Variants in CYP4Z1 observed in about 807,000 individuals in gnomAD.
CYP4Z1 encodes the protein cytochrome P450 family 4 subfamily Z member 1.
A neutral mutation model predicts 54.2 loss-of-function variants in CYP4Z1; 41 were observed. The ratio of observed to expected loss-of-function variants is 0.76; its 90% CI spans 0.59 to 0.98. The LOEUF is 0.98. Ranked by LOEUF, CYP4Z1 falls within the 50% of genes least tolerant of loss-of-function variation. The pLI is 0.00. For missense variants in CYP4Z1, 513 were observed against 599.0 expected (o/e 0.86, Z 1.50); for synonymous variants, 163 against 206.2 (o/e 0.79, Z 1.79).
upstream of CYP4Z1, among the ~76,000 whole-genome samples, chr1:47,066,962 A>T (rs1365985820): frequency 6.6e-6 from 1 of 152,096 alleles, no homozygotes; most frequent in East Asian, 1.9e-4. Flanking sequence ...ATTAAATGTA[A>T]CAAGTGTTAT....
At chr1:47,063,384 A>G (rs1644433996), upstream of CYP4Z1, among the ~76,000 whole-genome samples, 1 of 152,154 alleles carries the variant, frequency 6.6e-6, no homozygotes, top group South Asian at 2.1e-4. Context: ...GATCCAAACT[A>G]AGACAAAATC....
At chr1:47,092,652 T>C in intron 6 of CYP4Z1, among the ~76,000 whole-genome samples, 1 of 152,128 alleles carries the variant, frequency 6.6e-6, no homozygotes. Flanking sequence ...GTGTTTTTGC[T>C]ATTTCTTCAC....
chr1:47,077,495 G>A (rs1604621), intron 2 of CYP4Z1, among the ~76,000 whole-genome samples: 1 of 151,930 alleles, frequency 6.6e-6, no homozygotes, highest in Non-Finnish European at 1.5e-5. Flanking sequence ...ATATTAATGG[G>A]TCCCATTTTT....
intron 2 of CYP4Z1, among the ~76,000 whole-genome samples, chr1:47,080,139 G>T (rs1325237882): frequency 8.0e-6 from 1 of 125,556 alleles, no homozygotes; most frequent in Admixed American, 8.0e-5. Flanking sequence ...TAAAACCAAG[G>T]TTATGTCCCT....
intron 8 of CYP4Z1, among the ~76,000 whole-genome samples, chr1:47,100,236 TGAA>T (rs1644711880): frequency 6.6e-6 from 1 of 152,228 alleles, no homozygotes; most frequent in African/African-American, 2.4e-5. Context: ...GTATAAATCA[TGAA>T]TCCTATATCC....
chr1:47,092,436 C>G (rs1644645348), intron 6 of CYP4Z1, among the ~76,000 whole-genome samples: 1 of 151,704 alleles, frequency 6.6e-6, no homozygotes, highest in South Asian at 2.1e-4. Context: ...CAGCCTCTCT[C>G]AGCCTTTCTG....
the CYP4Z1 span, among the ~76,000 whole-genome samples, chr1:47,056,555 A>C: frequency 6.6e-6 from 1 of 152,106 alleles, no homozygotes; most frequent in East Asian, 1.9e-4. Context: ...GTGGGAGTCT[A>C]AGTCTCTTCG....
chr1:47,103,464 C>T (rs1433304236), intron 8 of CYP4Z1, among the ~76,000 whole-genome samples: 1 of 152,074 alleles, frequency 6.6e-6, no homozygotes, highest in East Asian at 1.9e-4. Flanking sequence ...AGGTGTGAGC[C>T]ATCTTTTTCT....
At chr1:47,064,318 G>C (rs1211846903), upstream of CYP4Z1, among the ~76,000 whole-genome samples, 4 of 151,888 alleles carry the variant, frequency 2.6e-5, no homozygotes, top group Non-Finnish European at 5.9e-5. Context: ...TCCTGACCTC[G>C]TGATCCACCC....
chr1:47,066,288 A>C (rs531214895), upstream of CYP4Z1, among the ~76,000 whole-genome samples: 46 of 152,338 alleles, frequency 3.0e-4, no homozygotes, highest in Admixed American at 5.9e-4. Flanking sequence ...CCTCAATCAA[A>C]TACTAGTGAA....
chr1:47,092,458 G>A (rs761363975), intron 6 of CYP4Z1, among the ~76,000 whole-genome samples: 24 of 151,424 alleles, frequency 1.6e-4, no homozygotes, highest in Non-Finnish European at 3.2e-4. Flanking sequence ...AAAGGCTACG[G>A]AATTCTTATC....
In CYP4Z1 at chr1:47,067,407, C is replaced by T. The variant is rs1199450628; in HGVS notation, c.-84C>T. On this transcript the variant is annotated 5_prime_UTR_variant, in exon 1 of 12. Coordinates refer to ENST00000334194, the MANE Select transcript of CYP4Z1 (RefSeq NM_178134.3). ...TGAAAGCCCAGTGTTGCCCAGGGGG[C>T]ATCTCCTTTGTGTTTATGAGAGACC... The T allele has an allele frequency of 4.1e-6, 5 of 1,206,594 alleles. No individual in the cohort carries two copies. Among genetic ancestry groups the T allele is most frequent in the Admixed American group, 3.2e-5 (1 of 31,598 alleles). The allele number at this position is 1,206,594 out of a possible 1,614,324, so 74.7% of individuals were successfully genotyped here. A position where few individuals can be genotyped will look rare whatever the true frequency, so the allele number is the denominator to read the frequency against.
At chr1:47,117,289 T>C (rs1029333134) in intron 11 of CYP4Z1, among the ~76,000 whole-genome samples, 1 of 152,168 alleles carries the variant, frequency 6.6e-6, no homozygotes, top group Non-Finnish European at 1.5e-5. Context: ...TACGTGGACC[T>C]TGCAGAATCA....
At chr1:47,065,791 C>A (rs999245815), upstream of CYP4Z1, among the ~76,000 whole-genome samples, 1 of 151,950 alleles carries the variant, frequency 6.6e-6, no homozygotes, top group Non-Finnish European at 1.5e-5. Context: ...GTGAGATTAA[C>A]GAAGTAAACA....
chr1:47,116,911 C>T (rs149336219), intron 11 of CYP4Z1, among the ~76,000 whole-genome samples, 179 bp downstream of exon 11: 1 of 152,232 alleles, frequency 6.6e-6, no homozygotes, highest in African/African-American at 2.4e-5. Context: ...CCCAAAGGGA[C>T]CGGTTAATGT....
At chr1:47,096,187 G>T (rs1451502444) in intron 7 of CYP4Z1, among the ~76,000 whole-genome samples, 1 of 152,174 alleles carries the variant, frequency 6.6e-6, no homozygotes, top group Non-Finnish European at 1.5e-5. Context: ...GAAGACAGAG[G>T]CAGGAGGATC....
intron 8 of CYP4Z1, 107 bp from the exon 9 acceptor site, chr1:47,106,021 A>G: frequency 2.2e-6 from 3 of 1,382,596 alleles, no homozygotes; most frequent in Non-Finnish European, 3.0e-6. Flanking sequence ...TCCTTTGGGT[A>G]AAGAACAAAA....
chr1:47,082,520 T>C, intron 4 of CYP4Z1, 59 bp downstream of exon 4: 11 of 1,573,774 alleles, frequency 7.0e-6, no homozygotes, highest in Non-Finnish European at 9.5e-6. Flanking sequence ...GCCAGCCATA[T>C]GGTGTGGGAG....
At chr1:47,100,275 C>T (rs1031152158) in intron 8 of CYP4Z1, among the ~76,000 whole-genome samples, 1 of 152,134 alleles carries the variant, frequency 6.6e-6, no homozygotes, top group Non-Finnish European at 1.5e-5. Context: ...AACATTTAGG[C>T]TATTCTCAGG....
Sources: gnomAD v4.1 joint callset for allele counts (sites outside exome capture counted in the v4.1 genomes callset) on GRCh38, gnomAD v4.1.1 for gene constraint, MANE v1.5 for transcripts, NCBI Gene and HGNC (gene_info 2026-07-23, HGNC 2026-07-21) for gene names.